Variants in BANF2 observed in about 807,000 individuals in gnomAD.
BANF2 encodes the protein barrier-to-autointegration factor-like protein.
Under a neutral mutation model 8.0 loss-of-function variants are expected in BANF2, and 4 were observed. The ratio of observed to expected loss-of-function variants is 0.50; its 90% confidence interval spans 0.25 to 1.14. The LOEUF is 1.14. BANF2 is among the 50% of genes most tolerant of loss of function. The pLI is 0.16. For missense variants in BANF2, 96 were observed against 107.5 expected (o/e 0.89, Z 0.47); for synonymous variants, 50 against 40.6 (o/e 1.23, Z -0.88).
intron 3 of BANF2, among the ~76,000 whole-genome samples, chr20:17,725,593 T>G (rs923793242): frequency 1.3e-5 from 2 of 152,084 alleles, no homozygotes; most frequent in Non-Finnish European, 2.9e-5. Context: ...TACACTAGAG[T>G]GAGTTATTCT....
intron 1 of BANF2, among the ~76,000 whole-genome samples, chr20:17,715,847 T>C (rs1205311870): frequency 6.6e-6 from 1 of 152,256 alleles, no homozygotes; most frequent in Non-Finnish European, 1.5e-5. Flanking sequence ...TATTTTTGCC[T>C]GACATAATTG....
Position 17,735,698 on chromosome 20 carries a change from C to A in BANF2, c.160C>A (p.His54Asn). 6.2e-7 allele frequency: 1 copy of A among 1,613,908 alleles called. No individual in the cohort carries two copies. Among genetic ancestry groups the A allele is most frequent in the Non-Finnish European group, 8.5e-7 (1 of 1,179,794 alleles). Residue 54 changes from histidine to asparagine, a missense_variant, in exon 4 of 4, where the codon CAC becomes AAC. Transcript: ENST00000246090. ...YILLGQFLLM[H>N]KNEAEFQRWL... ...CCTGCTGGGACAATTCCTTCTGATG[C>A]ACAAGAATGAAGCCGAGTTTCAGAG... is the stretch of plus-strand genomic sequence containing the variant.
intron 3 of BANF2, among the ~76,000 whole-genome samples, chr20:17,727,516 G>T (rs1196255341): frequency 6.6e-6 from 1 of 152,272 alleles, no homozygotes; most frequent in East Asian, 1.9e-4. Flanking sequence ...ACTAAATTTG[G>T]GGGTGAGAGC....
intron 1 of BANF2, among the ~76,000 whole-genome samples, chr20:17,715,134 C>T (rs2037631925): frequency 6.6e-6 from 1 of 152,142 alleles, no homozygotes; most frequent in Non-Finnish European, 1.5e-5. Context: ...GATCTCCTAC[C>T]CTCAGCCCAG....
At chr20:17,712,768 G>T (rs968746658) in intron 1 of BANF2, among the ~76,000 whole-genome samples, 4 of 152,016 alleles carry the variant, frequency 2.6e-5, no homozygotes, top group African/African-American at 9.7e-5. Context: ...AGAGAGGCGG[G>T]ATCAGAATGC....
Position 17,735,752 on chromosome 20 carries a change from G to A in BANF2, c.214G>A (p.Glu72Lys). The A allele has an allele frequency of 1.9e-6, 3 of 1,614,022 alleles. No individual in the cohort carries two copies. Among genetic ancestry groups the A allele is most frequent in the Non-Finnish European group, 1.7e-6 (2 of 1,179,952 alleles). Residue 72 changes from glutamate to lysine, a missense_variant, in exon 4 of 4, where the codon GAG becomes AAG. By Grantham distance (56) the Glu-to-Lys change is moderately conservative. Transcript: ENST00000246090. ...RWLICCFGAT[E>K]CEAQQTSHCL... ...GCTCATTTGCTGTTTTGGTGCCACT[G>A]AGTGTGAGGCCCAGCAGACTTCTCA...
At position 17,724,927 on chromosome 20, in the gene BANF2, A is replaced by G. The variant is rs948488174; in HGVS notation, c.-3-96A>G. 3.1e-6 allele frequency: 4 copies of G among 1,287,214 alleles called. No homozygotes were observed. In the African/African-American group the frequency reaches 6.0e-5, roughly 19 times the overall value. 79.7% of individuals were successfully genotyped at this position (1,287,214 alleles called of 1,614,324 possible). ...AAGGAATTCTGCCATCTGTTGCCCC[A>G]GTCCCTTGGTGGGCTGAGGGAGTTC... On this transcript the variant is annotated intron_variant, in intron 2 of 3. Coordinates refer to ENST00000246090, the MANE Select transcript of BANF2 (RefSeq NM_178477.5).
At chr20:17,708,633 C>A (rs1023137738) in intron 1 of BANF2, among the ~76,000 whole-genome samples, 11 of 152,158 alleles carry the variant, frequency 7.2e-5, no homozygotes, top group Non-Finnish European at 1.6e-4. Context: ...AGCGCCCTTG[C>A]ACTGTTTTCT....
chr20:17,696,921 T>G (rs1042626018), upstream of BANF2, among the ~76,000 whole-genome samples: 1 of 152,004 alleles, frequency 6.6e-6, no homozygotes, highest in Non-Finnish European at 1.5e-5. Context: ...TGGATTGTAG[T>G]GTGTTAGCAG....
intron 1 of BANF2, among the ~76,000 whole-genome samples, chr20:17,714,212 AAAG>A (rs1302076335): frequency 5.0e-5 from 7 of 140,298 alleles, no homozygotes; most frequent in East Asian, 2.0e-4. Context: ...AAAAAAAAAA[AAAG>A]AAAGAAAGAA....
intron 1 of BANF2, among the ~76,000 whole-genome samples, chr20:17,705,766 T>C (rs1302558728): frequency 6.6e-6 from 1 of 152,248 alleles, no homozygotes; most frequent in Non-Finnish European, 1.5e-5. Flanking sequence ...ATGCAACTAG[T>C]TCATGCTGGG....
chr20:17,698,382 C>G (rs1600208619), upstream of BANF2, among the ~76,000 whole-genome samples: 1 of 152,174 alleles, frequency 6.6e-6, no homozygotes, highest in Admixed American at 6.5e-5. Flanking sequence ...GAACAGCCTG[C>G]AGAACTGTGA....
chr20:17,702,649 C>T (rs1404529406), intron 1 of BANF2, among the ~76,000 whole-genome samples: 1 of 152,102 alleles, frequency 6.6e-6, no homozygotes, highest in African/African-American at 2.4e-5. Context: ...TAATTTGGAC[C>T]CACTGTTGGG....
chr20:17,715,307 T>C (rs1204265098), intron 1 of BANF2, among the ~76,000 whole-genome samples: 1 of 152,174 alleles, frequency 6.6e-6, no homozygotes, highest in Non-Finnish European at 1.5e-5. Flanking sequence ...TGGTTCTGTT[T>C]TCTCTGGGAG....
upstream of BANF2, among the ~76,000 whole-genome samples, chr20:17,698,776 A>T (rs1878722111): frequency 6.6e-6 from 1 of 152,148 alleles, no homozygotes; most frequent in African/African-American, 2.4e-5. Context: ...CTTCCCCAAA[A>T]CGTGGCTCAG....
rs568239593 is a variant in BANF2 at position 17,715,144 on chromosome 20, G to T, written c.-166-7572G>T. On this transcript the variant is annotated intron_variant, in intron 1 of 3. Transcript: ENST00000246090. ...ACAAGGATCTCCTACCCTCAGCCCA[G>T]CTCCTCCAGCAGGAGTTAACAGGAA... Among the ~76,000 whole-genome samples, 6 of 152,300 alleles carry T rather than the reference G, an allele frequency of 3.9e-5. No homozygotes were observed. In the East Asian group the frequency reaches 9.7e-4, roughly 25 times the overall value.
chr20:17,698,453 G>T (rs1175224202), upstream of BANF2, among the ~76,000 whole-genome samples: 1 of 152,240 alleles, frequency 6.6e-6, no homozygotes, highest in Non-Finnish European at 1.5e-5. Flanking sequence ...TATAGGAAGA[G>T]AATGGCCTAG....
chr20:17,728,237 CG>C (rs1368848327), intron 3 of BANF2, among the ~76,000 whole-genome samples: 2 of 152,184 alleles, frequency 1.3e-5, no homozygotes, highest in East Asian at 3.9e-4. Flanking sequence ...TTGCTTGTGA[CG>C]GCGTTCCTGG....
At chr20:17,732,127 A>G (rs1437866036) in intron 3 of BANF2, among the ~76,000 whole-genome samples, 2 of 152,232 alleles carry the variant, frequency 1.3e-5, no homozygotes, top group Non-Finnish European at 2.9e-5. Context: ...AAGAATTTCC[A>G]GATGACAAGA....
Sources: allele counts gnomAD v4.1 joint callset (sites outside exome capture counted in the v4.1 genomes callset), GRCh38; gene constraint gnomAD v4.1.1; transcripts MANE v1.5; gene names NCBI Gene and HGNC (gene_info 2026-07-23, HGNC 2026-07-21).